The following CDH13 variants were observed in gnomAD, a reference collection of about 807,000 sequenced individuals.
The protein encoded by CDH13 is cadherin 13.
A neutral mutation model predicts 63.8 loss-of-function variants in CDH13; 24 were observed. The observed-to-expected ratio is 0.38, with a 90% CI of 0.27 to 0.53. The LOEUF is 0.53. CDH13 is among the 20% of genes least tolerant of loss of function. The pLI is 0.85. For synonymous variants in CDH13, 503 were observed against 355.3 expected (o/e 1.42, Z -4.67); for missense variants, 1,049 against 903.1 (o/e 1.16, Z -2.07).
At chr16:82,840,373 T>C (rs2038954270) in intron 1 of CDH13, among the ~76,000 whole-genome samples, 1 of 137,618 alleles carries the variant, frequency 7.3e-6, no homozygotes. Flanking sequence ...GGCCTGATGC[T>C]CTGAAAAGGA....
chr16:82,767,104 C>T (rs2035085512), intron 1 of CDH13, among the ~76,000 whole-genome samples: 2 of 152,188 alleles, frequency 1.3e-5, no homozygotes, highest in Middle Eastern at 3.2e-3. Flanking sequence ...CTTCAGCATG[C>T]ATATTTTTCA....
intron 5 of CDH13, among the ~76,000 whole-genome samples, chr16:83,284,018 A>G (rs1417364203): frequency 6.6e-6 from 1 of 152,238 alleles, no homozygotes; most frequent in Non-Finnish European, 1.5e-5. Context: ...ACACAAGCCT[A>G]GAGCCAAACC....
chr16:83,281,802 A>G (rs1179042403), intron 5 of CDH13, among the ~76,000 whole-genome samples: 1 of 151,766 alleles, frequency 6.6e-6, no homozygotes, highest in Non-Finnish European at 1.5e-5. Flanking sequence ...AATCCCAGCT[A>G]CTCGGGAGGC....
intron 5 of CDH13, among the ~76,000 whole-genome samples, chr16:83,286,555 A>G (rs2089319484): frequency 6.6e-6 from 1 of 152,048 alleles, no homozygotes; most frequent in Admixed American, 6.6e-5. Context: ...CAGGAGTTCA[A>G]GACCAGCCTT....
chr16:83,742,771 T>G (rs1320215463), intron 10 of CDH13, among the ~76,000 whole-genome samples: 1 of 152,200 alleles, frequency 6.6e-6, no homozygotes, highest in Non-Finnish European at 1.5e-5. Context: ...TCATGTTACA[T>G]GGGTGCTCAG....
chr16:83,294,204 A>G (rs1404911661), intron 5 of CDH13, among the ~76,000 whole-genome samples: 1 of 152,218 alleles, frequency 6.6e-6, no homozygotes, highest in Non-Finnish European at 1.5e-5. Context: ...GCTAATGAAC[A>G]TATGCATTAT....
At chr16:83,020,855 T>C (rs144418619) in intron 2 of CDH13, among the ~76,000 whole-genome samples, 4 of 152,250 alleles carry the variant, frequency 2.6e-5, no homozygotes, top group African/African-American at 9.6e-5. Flanking sequence ...AGGGTCTGAA[T>C]CCCAATTTAG....
At chr16:82,686,596 C>G (rs1597322372) in intron 1 of CDH13, among the ~76,000 whole-genome samples, 2 of 152,320 alleles carry the variant, frequency 1.3e-5, no homozygotes, top group South Asian at 4.1e-4. Flanking sequence ...ATCACTCTGG[C>G]CTTCGGTTTT....
intron 1 of CDH13, among the ~76,000 whole-genome samples, chr16:82,766,823 A>G (rs918488648): frequency 2.0e-5 from 3 of 152,186 alleles, no homozygotes; most frequent in East Asian, 1.9e-4. Context: ...AACATATAAT[A>G]TTGACCTTAT....
At chr16:83,369,542 C>T (rs1179608465) in intron 6 of CDH13, among the ~76,000 whole-genome samples, 4 of 152,074 alleles carry the variant, frequency 2.6e-5, no homozygotes, top group African/African-American at 9.7e-5. Flanking sequence ...CCTCAGCCTC[C>T]CCAGCAGCTA....
At chr16:83,464,432 A>T (rs576598248) in intron 6 of CDH13, among the ~76,000 whole-genome samples, 7 of 152,218 alleles carry the variant, frequency 4.6e-5, no homozygotes, top group Admixed American at 1.3e-4. Flanking sequence ...GAATCGCTTG[A>T]ACCGAGGAGG....
intron 6 of CDH13, among the ~76,000 whole-genome samples, chr16:83,466,928 T>C (rs1196736817): frequency 6.6e-6 from 1 of 152,204 alleles, no homozygotes; most frequent in Non-Finnish European, 1.5e-5. Flanking sequence ...AGTCTTTATA[T>C]GGCAGTACCC....
At chr16:83,423,783 C>A (rs888931745) in intron 6 of CDH13, among the ~76,000 whole-genome samples, 1 of 152,204 alleles carries the variant, frequency 6.6e-6, no homozygotes, top group Non-Finnish European at 1.5e-5. Flanking sequence ...TGCAAGTCCC[C>A]TTGTCCCTGT....
intron 2 of CDH13, among the ~76,000 whole-genome samples, chr16:83,010,725 T>C (rs1285850980): frequency 2.0e-5 from 3 of 152,120 alleles, no homozygotes; most frequent in Admixed American, 1.3e-4. Flanking sequence ...AAATACTTAT[T>C]TTTTCTAAAA....
chr16:82,691,470 G>A (rs544518685), intron 1 of CDH13, among the ~76,000 whole-genome samples: 50 of 152,258 alleles, frequency 3.3e-4, no homozygotes, highest in African/African-American at 1.1e-3. Flanking sequence ...GGACAATTCT[G>A]AGGCCTGTGC....
chr16:82,949,959 T>G (rs1052755809), intron 2 of CDH13, among the ~76,000 whole-genome samples: 1 of 152,070 alleles, frequency 6.6e-6, no homozygotes, highest in Non-Finnish European at 1.5e-5. Context: ...AGATTTCTCT[T>G]GGTTGCAAGC....
intron 5 of CDH13, among the ~76,000 whole-genome samples, chr16:83,287,700 TAATAATAGA>T (rs1314230805): frequency 6.6e-6 from 1 of 152,112 alleles, no homozygotes; most frequent in Non-Finnish European, 1.5e-5. Context: ...TATAATGTAA[TAATAATAGA>T]AATAAAGTGC....
intron 11 of CDH13, among the ~76,000 whole-genome samples, chr16:83,767,508 T>C (rs1914475918): frequency 6.6e-6 from 1 of 152,168 alleles, no homozygotes; most frequent in Non-Finnish European, 1.5e-5. Flanking sequence ...CTTTACAAAT[T>C]AGCCAGTCTT....
At chr16:82,751,054 G>C (rs1415756571) in intron 1 of CDH13, among the ~76,000 whole-genome samples, 3 of 152,128 alleles carry the variant, frequency 2.0e-5, no homozygotes, top group African/African-American at 7.2e-5. Context: ...CCTCCTTCCT[G>C]ATCTTTCTTT....
Sources: allele counts gnomAD v4.1 joint callset (sites outside exome capture counted in the v4.1 genomes callset), GRCh38; gene constraint gnomAD v4.1.1; transcripts MANE v1.5; gene names NCBI Gene and HGNC (gene_info 2026-07-23, HGNC 2026-07-21).